Variants in FIP1L1 observed in about 807,000 individuals in gnomAD.
The protein encoded by FIP1L1 is factor interacting with PAPOLA and CPSF1, also known as pre-mRNA 3'-end-processing factor FIP1.
Under a neutral mutation model 84.6 loss-of-function variants are expected in FIP1L1, and 21 were observed. The observed-to-expected ratio is 0.25, with a 90% CI of 0.18 to 0.36. The LOEUF (loss-of-function observed/expected upper bound fraction) is 0.36. FIP1L1 is among the 10% of genes least tolerant of loss of function. The pLI is 1.00. For synonymous variants in FIP1L1, 263 were observed against 242.3 expected, an observed-to-expected ratio of 1.09 and a Z score of -0.80; for missense variants, 526 against 751.1, an observed-to-expected ratio of 0.70 and a Z score of 3.50.
At chr4:53,429,987 C>T (rs1212768591) in intron 13 of FIP1L1, among the ~76,000 whole-genome samples, 1 of 152,212 alleles carries the variant, frequency 6.6e-6, no homozygotes, top group African/African-American at 2.4e-5. Context: ...CCATTTTACT[C>T]TCTGCTTCTA....
chr4:53,389,951 T>TA (rs1320965598), intron 6 of FIP1L1, 78 bp downstream of exon 6: 12 of 1,084,572 alleles, frequency 1.1e-5, no homozygotes, highest in East Asian at 7.5e-5. Flanking sequence ...CTTTTTTTTT[T>TA]AGTCGGGGAC....
At chr4:53,455,070 C>T in intron 16 of FIP1L1, among the ~76,000 whole-genome samples, 1 of 152,182 alleles carries the variant, frequency 6.6e-6, no homozygotes, top group East Asian at 1.9e-4. Flanking sequence ...TCTTCTGCAG[C>T]TCCCTCACCT....
chr4:53,409,291 C>T (rs1204526480), intron 10 of FIP1L1, among the ~76,000 whole-genome samples: 4 of 152,204 alleles, frequency 2.6e-5, no homozygotes, highest in South Asian at 2.1e-4. Context: ...ATACCAGCAG[C>T]GGTGGCTGCA....
intron 3 of FIP1L1, among the ~76,000 whole-genome samples, 183 bp from the exon 4 acceptor site, chr4:53,382,095 T>A (rs1218081981): frequency 6.6e-6 from 1 of 152,122 alleles, no homozygotes; most frequent in African/African-American, 2.4e-5. Context: ...CTTACAATGT[T>A]GAGTACTTGT....
chr4:53,424,360 G>A (rs1325333160), intron 11 of FIP1L1, among the ~76,000 whole-genome samples: 1 of 151,990 alleles, frequency 6.6e-6, no homozygotes, highest in Non-Finnish European at 1.5e-5. Flanking sequence ...AGCAATATTT[G>A]TTTTATTGTA....
At chr4:53,411,129 A>T (rs1321251548) in intron 10 of FIP1L1, among the ~76,000 whole-genome samples, 1 of 152,320 alleles carries the variant, frequency 6.6e-6, no homozygotes, top group East Asian at 1.9e-4. Context: ...ACAGAGGTTG[A>T]TGTATCAGGG....
At chr4:53,388,191 C>A (rs952539782) in intron 5 of FIP1L1, among the ~76,000 whole-genome samples, 1 of 152,084 alleles carries the variant, frequency 6.6e-6, no homozygotes, top group Non-Finnish European at 1.5e-5. Context: ...ACATCAGAGA[C>A]AAAAGATGGA....
intron 10 of FIP1L1, among the ~76,000 whole-genome samples, chr4:53,407,597 G>A (rs1410500506): frequency 1.3e-5 from 2 of 148,774 alleles, no homozygotes; most frequent in Admixed American, 6.6e-5. Context: ...TCTGTCTAAT[G>A]TTGACAGTGG....
intron 3 of FIP1L1, among the ~76,000 whole-genome samples, chr4:53,381,921 C>G (rs988925985): frequency 6.8e-6 from 1 of 147,214 alleles, no homozygotes; most frequent in Non-Finnish European, 1.5e-5. Flanking sequence ...CGCCACCATG[C>G]CTGGCTAATT....
At chr4:53,407,622 C>T (rs2149624904) in intron 10 of FIP1L1, among the ~76,000 whole-genome samples, 1 of 152,058 alleles carries the variant, frequency 6.6e-6, no homozygotes, top group East Asian at 1.9e-4. Context: ...TTAAGTCTCC[C>T]ATTTTTATTG....
intron 6 of FIP1L1, 24 bp from the exon 7 acceptor site, chr4:53,390,497 T>A: frequency 6.6e-7 from 1 of 1,505,296 alleles, no homozygotes; most frequent in South Asian, 1.2e-5. Context: ...TATAGCTCCT[T>A]CATTTTGTAA....
chr4:53,389,732 G>C, intron 5 of FIP1L1, 77 bp from the exon 6 acceptor site: 1 of 1,076,516 alleles, frequency 9.3e-7, no homozygotes, highest in African/African-American at 1.6e-5. Flanking sequence ...TAATTTGTTT[G>C]TACAAATGGA....
At chr4:53,422,787 T>TTAC (rs1762900578) in intron 11 of FIP1L1, among the ~76,000 whole-genome samples, 1 of 151,984 alleles carries the variant, frequency 6.6e-6, no homozygotes, top group East Asian at 1.9e-4. Flanking sequence ...CAATCACAGT[T>TTAC]TACTGCATCC....
At chr4:53,411,769 A>G (rs931803489) in intron 10 of FIP1L1, among the ~76,000 whole-genome samples, 7 of 152,138 alleles carry the variant, frequency 4.6e-5, no homozygotes, top group African/African-American at 9.7e-5. Context: ...TGGGTTTCCA[A>G]CGTTCTGTAG....
rs752314881 is a variant in FIP1L1, at chr4:53,459,517, GATA to G, written c.*71_*73del. The G allele has an allele frequency of 5.6e-6, 9 of 1,598,490 alleles. No individual in the cohort carries two copies. The highest frequency in any genetic ancestry group is 6.0e-6 in the Non-Finnish European group (7 of 1,169,780). On this transcript the variant is annotated 3_prime_UTR_variant, in exon 18 of 18. Transcript: ENST00000337488. ...TACTATAAATCTTGTTATTTTTCTG[GATA>G]ATGTTTAAGAAATTTACCTTAAATC... is the stretch of plus-strand genomic sequence containing the variant.
intron 10 of FIP1L1, among the ~76,000 whole-genome samples, chr4:53,412,104 T>A (rs1398522659): frequency 2.0e-5 from 3 of 152,112 alleles, no homozygotes; most frequent in African/African-American, 7.2e-5. Flanking sequence ...ACAAATAACT[T>A]CCATATACTG....
chr4:53,378,033 G>T (rs746284386), intron 1 of FIP1L1, 110 bp downstream of exon 1: 13 of 1,026,868 alleles, frequency 1.3e-5, no homozygotes, highest in Non-Finnish European at 1.8e-5. Context: ...CCTCTGGTTG[G>T]GAGTCCTGTC....
At chr4:53,423,377 G>C (rs1348410060) in intron 11 of FIP1L1, among the ~76,000 whole-genome samples, 1 of 152,128 alleles carries the variant, frequency 6.6e-6, no homozygotes, top group Non-Finnish European at 1.5e-5. Context: ...TCAAACCTAC[G>C]CTTTGGGGAA....
chr4:53,428,935 G>T (rs1328880579), intron 13 of FIP1L1, among the ~76,000 whole-genome samples: 3 of 152,160 alleles, frequency 2.0e-5, no homozygotes, highest in African/African-American at 7.2e-5. Context: ...CCTCATCAGG[G>T]CAACATGAAA....
Sources: gnomAD v4.1 joint callset for allele counts (sites outside exome capture counted in the v4.1 genomes callset) on GRCh38, gnomAD v4.1.1 for gene constraint, MANE v1.5 for transcripts, NCBI Gene and HGNC (gene_info 2026-07-23, HGNC 2026-07-21) for gene names.